Variants in VAV3 observed in about 807,000 individuals in gnomAD.
The protein encoded by VAV3 is guanine nucleotide exchange factor VAV3.
Under a neutral mutation model 131.2 loss-of-function variants are expected in VAV3, and 94 were observed. The ratio of observed to expected loss-of-function variants is 0.72; its 90% CI spans 0.61 to 0.85. VAV3 has a LOEUF of 0.85. Ranked by LOEUF, VAV3 falls within the 40% of genes least tolerant of loss-of-function variation. The probability of loss-of-function intolerance (pLI) is 0.00; values close to 1 mark genes in which losing one functional copy is unlikely to be tolerated. For missense variants in VAV3, 939 were observed against 1,002.7 expected, an observed-to-expected ratio of 0.94 and a Z score of 0.86; for synonymous variants, 349 against 342.0, an observed-to-expected ratio of 1.02 and a Z score of -0.22.
intron 8 of VAV3, among the ~76,000 whole-genome samples, chr1:107,765,974 T>G (rs531632565): frequency 6.6e-6 from 1 of 152,318 alleles, no homozygotes; most frequent in Non-Finnish European, 1.5e-5. Context: ...AGGAGATTTT[T>G]TTTTAACTTA....
At chr1:107,609,907 T>C (rs760545613) in intron 22 of VAV3, 24 bp downstream of exon 22, 1 of 1,610,708 alleles carries the variant, frequency 6.2e-7, no homozygotes, top group East Asian at 2.2e-5. Flanking sequence ...TCAACCTAGC[T>C]ACATAAACAT....
At chr1:107,588,209 T>C (rs544592178) in intron 25 of VAV3, among the ~76,000 whole-genome samples, 1 of 152,300 alleles carries the variant, frequency 6.6e-6, no homozygotes, top group East Asian at 1.9e-4. Context: ...AATGAAGATG[T>C]GCAATTGCAG....
intron 19 of VAV3, among the ~76,000 whole-genome samples, chr1:107,654,229 C>T (rs1656377184): frequency 6.6e-6 from 1 of 151,986 alleles, no homozygotes; most frequent in African/African-American, 2.4e-5. Context: ...ATGAATGCAT[C>T]ACTACTCTTT....
intron 1 of VAV3, among the ~76,000 whole-genome samples, chr1:107,933,295 T>TC (rs1339100548): frequency 6.6e-6 from 1 of 151,674 alleles, no homozygotes; most frequent in East Asian, 1.9e-4. Context: ...TTTTTTTTTT[T>TC]CCAGTACAAA....
At chr1:107,664,511 CA>C (rs1458281208) in intron 19 of VAV3, among the ~76,000 whole-genome samples, 7 of 152,130 alleles carry the variant, frequency 4.6e-5, no homozygotes, top group African/African-American at 1.7e-4. Flanking sequence ...GTCGGCTTTT[CA>C]AAAAGGTTAA....
At chr1:107,798,328 T>C (rs1472364282) in intron 2 of VAV3, among the ~76,000 whole-genome samples, 4 of 152,160 alleles carry the variant, frequency 2.6e-5, no homozygotes, top group Non-Finnish European at 5.9e-5. Context: ...TTCTCACACC[T>C]GACCACTGCT....
intron 2 of VAV3, among the ~76,000 whole-genome samples, chr1:107,874,649 T>G (rs1670401716): frequency 6.6e-6 from 1 of 152,188 alleles, no homozygotes; most frequent in South Asian, 2.1e-4. Flanking sequence ...TATACTATTT[T>G]AATTACAAAA....
intron 2 of VAV3, among the ~76,000 whole-genome samples, chr1:107,855,882 T>C (rs1669444780): frequency 6.6e-6 from 1 of 152,094 alleles, no homozygotes; most frequent in Non-Finnish European, 1.5e-5. Context: ...GAAAGGAAAA[T>C]GTGTGGAGAA....
intron 2 of VAV3, chr1:107,820,986 T>C (rs1667769884): frequency 6.6e-6 from 1 of 152,178 alleles, no homozygotes; most frequent in South Asian, 2.1e-4. Context: ...ATAAATCCAC[T>C]GTCTTATGTG....
At chr1:107,938,853 T>C (rs562401698) in intron 1 of VAV3, among the ~76,000 whole-genome samples, 101 of 152,338 alleles carry the variant, frequency 6.6e-4, no homozygotes, top group African/African-American at 2.4e-3. Context: ...TAATGGGATG[T>C]GTAAATAGAC....
intron 15 of VAV3, among the ~76,000 whole-genome samples, chr1:107,719,807 C>T (rs1268125960): frequency 1.3e-5 from 2 of 152,186 alleles, no homozygotes; most frequent in South Asian, 2.1e-4. Flanking sequence ...TTGGAACCAA[C>T]CCAAATGTCC....
intron 9 of VAV3, 70 bp from the exon 10 acceptor site, chr1:107,760,949 G>C (rs979267933): frequency 9.6e-6 from 10 of 1,036,776 alleles, no homozygotes; most frequent in African/African-American, 1.6e-5. Flanking sequence ...GCCCTAGGCA[G>C]AACAGTTATT....
chr1:107,701,143 TG>T (rs1660104593), intron 17 of VAV3, among the ~76,000 whole-genome samples: 1 of 152,200 alleles, frequency 6.6e-6, no homozygotes, highest in Admixed American at 6.5e-5. Context: ...TGCTTTTTAA[TG>T]GGGTTGTTTG....
At chr1:107,720,065 C>T (rs891811201) in intron 15 of VAV3, among the ~76,000 whole-genome samples, 3 of 151,826 alleles carry the variant, frequency 2.0e-5, no homozygotes, top group African/African-American at 7.3e-5. Context: ...GTCGTGGGGT[C>T]GGGGGAATGG....
chr1:107,828,566 T>C (rs570045611), intron 2 of VAV3, among the ~76,000 whole-genome samples: 40 of 152,138 alleles, frequency 2.6e-4, no homozygotes, highest in Non-Finnish European at 5.6e-4. Context: ...TTCTATCGGA[T>C]AATTCTTTTC....
At chr1:107,961,195 C>T (rs1300634421) in intron 1 of VAV3, among the ~76,000 whole-genome samples, 2 of 152,140 alleles carry the variant, frequency 1.3e-5, no homozygotes, top group African/African-American at 4.8e-5. Context: ...GACTGTATTA[C>T]CCCTACTATA....
At chr1:107,906,878 G>A (rs1672136169) in intron 1 of VAV3, among the ~76,000 whole-genome samples, 1 of 152,104 alleles carries the variant, frequency 6.6e-6, no homozygotes, top group Admixed American at 6.6e-5. Context: ...CCAACCTACT[G>A]TTCCCTGGCT....
At chr1:107,848,388 A>C (rs940510562) in intron 2 of VAV3, among the ~76,000 whole-genome samples, 2 of 152,098 alleles carry the variant, frequency 1.3e-5, no homozygotes, top group Non-Finnish European at 2.9e-5. Flanking sequence ...CGATCAAGTC[A>C]GTTTCATCCC....
intron 6 of VAV3, among the ~76,000 whole-genome samples, chr1:107,768,773 A>C (rs900737405): frequency 1.3e-5 from 2 of 152,228 alleles, no homozygotes; most frequent in African/African-American, 4.8e-5. Flanking sequence ...AAAGGAAGGA[A>C]GAAAAGAACA....
Sources: gnomAD v4.1 joint callset for allele counts (sites outside exome capture counted in the v4.1 genomes callset) on GRCh38, gnomAD v4.1.1 for gene constraint, MANE v1.5 for transcripts, NCBI Gene and HGNC (gene_info 2026-07-23, HGNC 2026-07-21) for gene names.